The following COG5 variants were observed in gnomAD, a reference collection of about 807,000 sequenced individuals.
COG5 encodes the protein conserved oligomeric Golgi complex subunit 5.
COG5 carries 86 observed loss-of-function variants against 110.4 expected under a neutral mutation model. That is an observed-to-expected ratio of 0.78 (90% CI 0.65 to 0.93). COG5 has a LOEUF of 0.93. Ranked by LOEUF, COG5 falls within the 40% of genes least tolerant of loss-of-function variation. The pLI, the probability that COG5 is intolerant of heterozygous loss-of-function variation, is 0.00. For missense variants in COG5, 1,077 were observed against 987.0 expected, an observed-to-expected ratio of 1.09 and a Z score of -1.22; for synonymous variants, 360 against 334.6, an observed-to-expected ratio of 1.08 and a Z score of -0.83.
chr7:107,212,041 A>T (rs1046540975), intron 19 of COG5, among the ~76,000 whole-genome samples: 1 of 152,196 alleles, frequency 6.6e-6, no homozygotes. Context: ...CTTTACCCCA[A>T]CTTAATTACT....
At chr7:107,223,454 C>A (rs1304555616) in intron 19 of COG5, among the ~76,000 whole-genome samples, 1 of 152,116 alleles carries the variant, frequency 6.6e-6, no homozygotes, top group African/African-American at 2.4e-5. Context: ...TTGTCTATAC[C>A]AGCAGACCAG....
chr7:107,416,687 A>T (rs573585405), intron 6 of COG5, among the ~76,000 whole-genome samples: 1 of 152,288 alleles, frequency 6.6e-6, no homozygotes, highest in East Asian at 1.9e-4. Context: ...TGTATTTCAT[A>T]TGTTCCCCCA....
At chr7:107,281,828 T>C (rs1805194632) in intron 13 of COG5, among the ~76,000 whole-genome samples, 2 of 152,198 alleles carry the variant, frequency 1.3e-5, no homozygotes, top group Admixed American at 6.5e-5. Flanking sequence ...TATATAAAGA[T>C]ACTCAGCTTC....
At chr7:107,502,804 G>A (rs1798717564) in intron 6 of COG5, among the ~76,000 whole-genome samples, 1 of 151,992 alleles carries the variant, frequency 6.6e-6, no homozygotes. Flanking sequence ...TCGACCATTT[G>A]CATATCTTCT....
chr7:107,520,842 T>A (rs1800272151), intron 6 of COG5, among the ~76,000 whole-genome samples: 1 of 152,046 alleles, frequency 6.6e-6, no homozygotes, highest in African/African-American at 2.4e-5. Context: ...GCCAAGACAA[T>A]CCTAAGCAAA....
intron 10 of COG5, among the ~76,000 whole-genome samples, chr7:107,327,612 C>A (rs546236238): frequency 3.3e-5 from 5 of 151,894 alleles, no homozygotes; most frequent in Admixed American, 1.3e-4. Context: ...AAAACAAATA[C>A]CATGATTAAA....
chr7:107,213,949 C>T (rs192444711), intron 19 of COG5, among the ~76,000 whole-genome samples: 2 of 151,892 alleles, frequency 1.3e-5, no homozygotes, highest in East Asian at 3.9e-4. Flanking sequence ...GAATGACCAA[C>T]AAAAAATACA....
At chr7:107,482,317 A>T (rs1797403465) in intron 6 of COG5, among the ~76,000 whole-genome samples, 1 of 151,740 alleles carries the variant, frequency 6.6e-6, no homozygotes. Flanking sequence ...TAATTAAAAA[A>T]AAAAATTTTG....
rs1456259058 is a variant in COG5, at chr7:107,514,355, CACACACACACACACAT to C, written c.538+12866_538+12881del. On this transcript the variant is annotated intron_variant, in intron 6 of 21. Coordinates refer to ENST00000297135, the MANE Select transcript of COG5 (RefSeq NM_006348.5). ...ACACACACACACACACACACACACA[CACACACACACACACAT>C]ATTTTATATTTTGGTTTATTATGAG... Among the ~76,000 whole-genome samples the C allele has an allele frequency of 3.7e-3, 520 of 140,006 alleles. 4 individuals are homozygous for C. Among genetic ancestry groups the C allele is most frequent in the African/African-American group, 0.015 (491 of 32,018 alleles). The allele number at this position is 140,006 out of a possible 152,430, so 91.8% of individuals were successfully genotyped here.
intron 10 of COG5, among the ~76,000 whole-genome samples, chr7:107,326,900 G>C (rs1017349089): frequency 7.2e-5 from 11 of 152,296 alleles, no homozygotes; most frequent in African/African-American, 2.6e-4. Flanking sequence ...TACAGAGCCA[G>C]GTGCAGTGGA....
intron 6 of COG5, among the ~76,000 whole-genome samples, chr7:107,517,674 G>T (rs1267502446): frequency 1.3e-5 from 2 of 150,612 alleles, no homozygotes; most frequent in Non-Finnish European, 2.9e-5. Flanking sequence ...CAAGCCAGAA[G>T]AGAGTGGGGG....
At chr7:107,331,815 C>T (rs868754363) in intron 10 of COG5, among the ~76,000 whole-genome samples, 1 of 150,438 alleles carries the variant, frequency 6.6e-6, no homozygotes, top group Non-Finnish European at 1.5e-5. Flanking sequence ...GTGGGGCATC[C>T]AAGTGGAGAT....
chr7:107,483,396 T>C (rs1027257934), intron 6 of COG5, among the ~76,000 whole-genome samples: 6 of 152,014 alleles, frequency 3.9e-5, no homozygotes, highest in East Asian at 1.9e-4. Context: ...CAGCTGCTAG[T>C]GAATACAACT....
intron 7 of COG5, among the ~76,000 whole-genome samples, chr7:107,388,619 T>C (rs1790375729): frequency 1.3e-5 from 2 of 152,206 alleles, no homozygotes; most frequent in African/African-American, 4.8e-5. Flanking sequence ...TAAATTTAGA[T>C]GACAAATTTC....
intron 16 of COG5, among the ~76,000 whole-genome samples, chr7:107,250,489 T>C (rs1802421088): frequency 6.6e-6 from 1 of 151,928 alleles, no homozygotes; most frequent in Non-Finnish European, 1.5e-5. Flanking sequence ...ACATTCACAG[T>C]GTTCAGGATT....
intron 6 of COG5, among the ~76,000 whole-genome samples, chr7:107,510,401 G>C (rs1799406590): frequency 6.6e-6 from 1 of 152,186 alleles, no homozygotes; most frequent in African/African-American, 2.4e-5. Flanking sequence ...CATAAAGCAA[G>C]TCCTTAGTGA....
intron 11 of COG5, among the ~76,000 whole-genome samples, chr7:107,317,044 G>A (rs1249645007): frequency 6.6e-6 from 1 of 151,904 alleles, no homozygotes; most frequent in African/African-American, 2.4e-5. Flanking sequence ...TTTTGCTTAT[G>A]GTCACAATGA....
intron 7 of COG5, among the ~76,000 whole-genome samples, chr7:107,379,657 A>T (rs1814938802): frequency 6.6e-6 from 1 of 152,054 alleles, no homozygotes; most frequent in Non-Finnish European, 1.5e-5. Flanking sequence ...CAGACTTTAA[A>T]CCAACAAAGA....
chr7:107,231,571 G>T (rs1296689353), intron 18 of COG5, among the ~76,000 whole-genome samples: 1 of 152,142 alleles, frequency 6.6e-6, no homozygotes, highest in Non-Finnish European at 1.5e-5. Flanking sequence ...GTAAAGAATG[G>T]TTTAGAAAAT....
Sources: allele counts gnomAD v4.1 joint callset (sites outside exome capture counted in the v4.1 genomes callset), GRCh38; gene constraint gnomAD v4.1.1; transcripts MANE v1.5; gene names NCBI Gene and HGNC (gene_info 2026-07-23, HGNC 2026-07-21).